Variants in LTBP2 observed in about 807,000 individuals in gnomAD.
LTBP2 encodes latent-transforming growth factor beta-binding protein 2.
LTBP2 carries 103 observed loss-of-function variants against 210.6 expected under a neutral mutation model. That is an observed-to-expected ratio of 0.49 (90% CI 0.42 to 0.58). The LOEUF is 0.58. Ranked by LOEUF, LTBP2 falls within the 20% of genes least tolerant of loss-of-function variation. The probability of loss-of-function intolerance (pLI) is 0.00; values close to 1 mark genes in which losing one functional copy is unlikely to be tolerated. For synonymous variants in LTBP2, 1,007 were observed against 1,015.0 expected, an observed-to-expected ratio of 0.99 and a Z score of 0.15; for missense variants, 2,313 against 2,494.5, an observed-to-expected ratio of 0.93 and a Z score of 1.55.
At position 74,555,664 on chromosome 14, in the gene LTBP2, G is replaced by C. The variant is rs749460288; in HGVS notation, c.860C>G (p.Pro287Arg). The C allele has an allele frequency of 6.4e-7, 1 of 1,566,722 alleles. No homozygotes were observed. Among genetic ancestry groups the C allele is most frequent in the Non-Finnish European group, 8.7e-7 (1 of 1,151,792 alleles). Residue 287 changes from proline (P) to arginine (R), a missense_variant, in exon 4 of 36, where the codon CCT becomes CGT. Pro to Arg is a moderately radical substitution (Grantham distance 103). Coordinates refer to ENST00000261978, the MANE Select transcript of LTBP2 (RefSeq NM_000428.3). ...GTLSGLSQTH[P>R]SQQHVGLSRT... ...GGACAACCCCACGTGCTGCTGGGAAGGGTGGGTCTGGCTGAGGCCACTCAG... is the reference window on the plus strand; with the variant it reads ...GGACAACCCCACGTGCTGCTGGGAACGGTGGGTCTGGCTGAGGCCACTCAG...
chr14:74,505,270 C>T, intron 28 of LTBP2, 96 bp from the exon 29 acceptor site: 1 of 1,384,646 alleles, frequency 7.2e-7, no homozygotes. Context: ...ATTTGTGTAG[C>T]ACTTTACAGT....
chr14:74,599,544 G>A (rs74828546), intron 2 of LTBP2, among the ~76,000 whole-genome samples: 2,667 of 152,338 alleles, frequency 0.018, 83 homozygotes, highest in African/African-American at 0.061. Context: ...CCGGCAGGCC[G>A]CAATCAGCTG....
At position 74,528,666 on chromosome 14, in the gene LTBP2, C is replaced by T. The variant is rs375236313; in HGVS notation, c.2185G>A (p.Gly729Ser). 1.2e-5 allele frequency: 19 copies of T among 1,612,932 alleles called. No individual in the cohort carries two copies. Among genetic ancestry groups the T allele is most frequent in the South Asian group, 3.3e-5 (3 of 91,092 alleles). ...ATGTCGGAGCTCGCGTAGGTGTAGC[C>T]GTGGCCGGCAGGGCAGATCTCTCTG... ...AFREICPAGH[G>S]YTYASSDIRL... Residue 729 changes from glycine (G) to serine (S), a missense_variant, in exon 12 of 36, where the codon GGC becomes AGC. By Grantham distance (56) the Gly-to-Ser change is moderately conservative (BLOSUM62 0). Around this residue, in one of 3 missense-constraint regions of LTBP2, gnomAD observed 1,867 missense variants for 1,976.9 expected, o/e 0.94. Transcript: ENST00000261978.
In LTBP2 at chr14:74,584,056, C is replaced by G. The variant is rs570093618; in HGVS notation, c.830+1798G>C. On this transcript the variant is annotated intron_variant, in intron 3 of 35. Transcript: ENST00000261978. ...CTGTAGTTTGGACCCAGTGTCAGAG[C>G]AAATATGGACTGAGCATTTTTGATG... 7.2e-5 allele frequency among the ~76,000 whole-genome samples: 11 copies of G among 152,252 alleles called. No individual in the cohort carries two copies. In the South Asian group the frequency reaches 2.3e-3, roughly 32 times the overall value.
In LTBP2 at chr14:74,552,177, C is replaced by A. The variant is rs143528294; in HGVS notation, c.1399+10G>T. 6.9e-3 allele frequency: 10,934 copies of A among 1,590,652 alleles called. 51 individuals carry two copies. Among genetic ancestry groups the A allele is most frequent in the Non-Finnish European group, 8.5e-3 (9,951 of 1,171,002 alleles). On this transcript the variant is annotated intron_variant, in intron 6 of 35. Coordinates refer to ENST00000261978, the MANE Select transcript of LTBP2 (RefSeq NM_000428.3). The stretch of plus-strand genomic sequence containing the variant: ...CAGGGTCCCGCCGGCCCAGCTGTGC[C>A]GGCACTCACCCAGCTGGTTGGAGAG...
chr14:74,547,729 C>T (rs532561474), intron 8 of LTBP2, among the ~76,000 whole-genome samples: 1 of 152,090 alleles, frequency 6.6e-6, no homozygotes, highest in Non-Finnish European at 1.5e-5. Flanking sequence ...GGCAGGTCAG[C>T]ACCTTGGTCA....
intron 8 of LTBP2, among the ~76,000 whole-genome samples, chr14:74,543,544 C>CCTTCCTTCCCTCCCTTTTT (rs1566631177): frequency 1.5e-5 from 1 of 64,914 alleles, no homozygotes; most frequent in Non-Finnish European, 3.4e-5. Flanking sequence ...CCTTTTTCCT[C>CCTTCCTTCCCTCCCTTTTT]CCTCCCTCCC....
chr14:74,611,316 G>A, intron 1 of LTBP2, 135 bp downstream of exon 1: 2 of 1,033,192 alleles, frequency 1.9e-6, no homozygotes, highest in Non-Finnish European at 2.6e-6. Flanking sequence ...GGAACCTCGG[G>A]GCTGTTTCCC....
intron 3 of LTBP2, chr14:74,559,729 C>A (rs2139757383): frequency 6.6e-6 from 1 of 152,334 alleles, no homozygotes; most frequent in Admixed American, 6.5e-5. Flanking sequence ...AATCGCAAGC[C>A]TTTAGCCAAA....
At chr14:74,550,625 G>A (rs2087639513) in intron 7 of LTBP2, among the ~76,000 whole-genome samples, 1 of 152,128 alleles carries the variant, frequency 6.6e-6, no homozygotes, top group South Asian at 2.1e-4. Context: ...TCTCATCTTT[G>A]TACCACCAGG....
rs1333225685 is a variant in LTBP2 at position 74,526,125 on chromosome 14, A to C, written c.2389-11T>G. 6.3e-7 allele frequency: 1 copy of C among 1,597,006 alleles called. No homozygotes were observed. Among genetic ancestry groups the C allele is most frequent in the Non-Finnish European group, 8.5e-7 (1 of 1,171,064 alleles). ...GACACTGGTCGTGACCTGCACAGAA[A>C]CAGGAGAAGGTCACTTTTGGCTCCT... On this transcript the variant is annotated splice_polypyrimidine_tract_variant and intron_variant, in intron 13 of 35. Transcript: ENST00000261978.
intron 2 of LTBP2, among the ~76,000 whole-genome samples, chr14:74,588,401 ATTGGAGACGGAGTTTCTCCATG>A (rs1287163603): frequency 6.6e-6 from 1 of 151,914 alleles, no homozygotes; most frequent in Non-Finnish European, 1.5e-5. Flanking sequence ...TTGTATTTTT[ATTGGAGACGGAGTTTCTCCATG>A]TTGGTCAGGC....
chr14:74,540,795 T>A (rs12891331), intron 8 of LTBP2, among the ~76,000 whole-genome samples: 1 of 18,400 alleles, frequency 5.4e-5, no homozygotes, highest in African/African-American at 7.5e-5. Flanking sequence ...ATATATATAT[T>A]TATATATATA....
At position 74,549,916 on chromosome 14, in the gene LTBP2, C is replaced by G. The variant is rs143026538; in HGVS notation, c.1736G>C (p.Ser579Thr). The part of the protein sequence containing the change: ...ELTTQEDCCG[S>T]VGAFWGVTLC... ...AGTCACCCCCCAGAAGGCTCCCACA[C>G]TGCCACAGCAGTCCTCCTGGGTAGT... The change falls in exon 8 of 36, where the codon AGT becomes ACT. Residue 579 changes from serine (S) to threonine (T), a missense_variant. Coordinates refer to ENST00000261978, the MANE Select transcript of LTBP2 (RefSeq NM_000428.3). 1 of 1,614,076 alleles carries G rather than the reference C, an allele frequency of 6.2e-7. No individual in the cohort carries two copies. Among genetic ancestry groups the G allele is most frequent in the Non-Finnish European group, 8.5e-7 (1 of 1,180,014 alleles).
intron 9 of LTBP2, among the ~76,000 whole-genome samples, chr14:74,533,571 G>T (rs759504310): frequency 2.5e-4 from 38 of 152,238 alleles, no homozygotes; most frequent in Non-Finnish European, 4.9e-4. Context: ...GGAAGGCACT[G>T]AAGGGGAAGG....
intron 2 of LTBP2, among the ~76,000 whole-genome samples, chr14:74,588,603 C>T (rs1012405273): frequency 6.6e-6 from 1 of 152,172 alleles, no homozygotes; most frequent in Non-Finnish European, 1.5e-5. Context: ...CTGTCTCTTA[C>T]ACCTCTTTGT....
In LTBP2 at chr14:74,522,861, T is replaced by C. The variant is rs562124154; in HGVS notation, c.2588A>G (p.Asn863Ser). The C allele has an allele frequency of 1.9e-6, 3 of 1,611,432 alleles. No individual in the cohort carries two copies. The East Asian group carries it at 6.7e-5, about 36-fold the overall frequency. Residue 863 changes from asparagine (N) to serine (S), a missense_variant, in exon 16 of 36, where the codon AAC (asparagine) becomes AGC (serine). Coordinates refer to ENST00000261978, the MANE Select transcript of LTBP2 (RefSeq NM_000428.3). ...TNVCGPGTCV[N>S]LPDGYRCVCS... Reference sequence around the variant, plus strand: ...GACACATCTGTATCCATCGGGGAGGTTCACGCAGGTTCCAGGGCCACAGAC... The same window carrying C: ...GACACATCTGTATCCATCGGGGAGGCTCACGCAGGTTCCAGGGCCACAGAC...
At position 74,522,843 on chromosome 14, in the gene LTBP2, C is replaced by A; in HGVS notation, c.2606G>T (p.Arg869Ile). ...CTGGTAGCCAGGGCTGCAGACACAT[C>A]TGTATCCATCGGGGAGGTTCACGCA... ...GTCVNLPDGY[R>I]CVCSPGYQLH... Residue 869 changes from arginine (R) to isoleucine (I), a missense_variant, in exon 16 of 36, where the codon AGA becomes ATA. This residue lies in a region of LTBP2 where 1,867 missense variants were observed against 1,976.9 expected (regional missense o/e 0.94). Coordinates refer to ENST00000261978, the MANE Select transcript of LTBP2 (RefSeq NM_000428.3). 1.2e-6 allele frequency: 2 copies of A among 1,612,790 alleles called. No homozygotes were observed. The highest frequency in any genetic ancestry group is 1.7e-6 in the Non-Finnish European group (2 of 1,179,646).
At chr14:74,578,222 G>A (rs111407549) in intron 3 of LTBP2, among the ~76,000 whole-genome samples, 1 of 152,142 alleles carries the variant, frequency 6.6e-6, no homozygotes, top group Non-Finnish European at 1.5e-5. Flanking sequence ...CCTGGCAAAT[G>A]AGGTGTTCCA....
Sources: gnomAD v4.1 joint callset for allele counts (sites outside exome capture counted in the v4.1 genomes callset) on GRCh38, gnomAD v4.1.1 for gene constraint, gnomAD v4.1.1 regional missense constraint, MANE v1.5 for transcripts, NCBI Gene and HGNC (gene_info 2026-07-23, HGNC 2026-07-21) for gene names.